The following MACROD2 variants were observed in gnomAD, a reference collection of about 807,000 sequenced individuals.
The protein encoded by MACROD2 is mono-ADP ribosylhydrolase 2.
In MACROD2, 36 loss-of-function variants were observed where a neutral mutation model predicts 70.4. The ratio of observed to expected loss-of-function variants is 0.51; its 90% confidence interval spans 0.39 to 0.68. MACROD2 has a LOEUF of 0.68. Among genes scored for constraint, MACROD2 ranks in the 30% least tolerant of loss-of-function variants. MACROD2 has a pLI of 0.00. For missense variants in MACROD2, 496 were observed against 538.4 expected, an observed-to-expected ratio of 0.92 and a Z score of 0.78; for synonymous variants, 172 against 178.8, an observed-to-expected ratio of 0.96 and a Z score of 0.30.
At chr20:15,154,384 G>A (rs1055271794) in intron 5 of MACROD2, among the ~76,000 whole-genome samples, 2 of 152,162 alleles carry the variant, frequency 1.3e-5, no homozygotes, top group African/African-American at 4.8e-5. Flanking sequence ...GAAAGGTCTG[G>A]CTTATCCAAC....
intron 6 of MACROD2, among the ~76,000 whole-genome samples, chr20:15,383,220 T>C (rs1231621708): frequency 6.6e-6 from 1 of 152,188 alleles, no homozygotes; most frequent in African/African-American, 2.4e-5. Flanking sequence ...TTAGCCCACA[T>C]ATTTTCCAGA....
chr20:15,870,075 C>G (rs192371090), intron 9 of MACROD2, among the ~76,000 whole-genome samples: 1 of 152,064 alleles, frequency 6.6e-6, no homozygotes, highest in East Asian at 1.9e-4. Context: ...AACTTCTCAA[C>G]CACGTTTCAC....
intron 6 of MACROD2, among the ~76,000 whole-genome samples, chr20:15,410,506 T>A (rs1461531635): frequency 5.3e-5 from 8 of 152,176 alleles, no homozygotes; most frequent in Non-Finnish European, 1.2e-4. Flanking sequence ...AACTTTCAGC[T>A]CCATCAACAG....
intron 7 of MACROD2, among the ~76,000 whole-genome samples, chr20:15,492,609 C>T (rs916891589): frequency 2.6e-5 from 4 of 152,170 alleles, no homozygotes; most frequent in Middle Eastern, 3.2e-3. Flanking sequence ...TTGACAATCC[C>T]TGTTCAACTG....
intron 5 of MACROD2, among the ~76,000 whole-genome samples, chr20:15,136,434 C>A (rs576809086): frequency 7.2e-5 from 11 of 152,240 alleles, no homozygotes; most frequent in Non-Finnish European, 1.5e-4. Context: ...TGATCTTTGA[C>A]AAACCTGAGA....
At chr20:15,349,247 T>C (rs1329112841) in intron 6 of MACROD2, among the ~76,000 whole-genome samples, 1 of 152,184 alleles carries the variant, frequency 6.6e-6, no homozygotes, top group Non-Finnish European at 1.5e-5. Context: ...ATAATCTTTT[T>C]TCAGTGTATT....
chr20:15,383,851 A>T (rs2045676307), intron 6 of MACROD2, among the ~76,000 whole-genome samples: 1 of 152,118 alleles, frequency 6.6e-6, no homozygotes, highest in Non-Finnish European at 1.5e-5. Context: ...ATCCAAATCC[A>T]TTCCCTTTAG....
At chr20:14,479,547 G>A (rs1186886868) in intron 3 of MACROD2, among the ~76,000 whole-genome samples, 2 of 152,112 alleles carry the variant, frequency 1.3e-5, no homozygotes, top group African/African-American at 4.8e-5. Flanking sequence ...CAACTATGCT[G>A]TTCCTCCAGA....
intron 12 of MACROD2, among the ~76,000 whole-genome samples, chr20:15,946,798 C>T (rs186958508): frequency 3.0e-4 from 45 of 152,252 alleles, no homozygotes; most frequent in African/African-American, 6.5e-4. Flanking sequence ...ACTCAGCACA[C>T]GGAGGACCTG....
intron 8 of MACROD2, among the ~76,000 whole-genome samples, chr20:15,509,737 G>A (rs2047474545): frequency 6.6e-6 from 1 of 152,174 alleles, no homozygotes; most frequent in South Asian, 2.1e-4. Flanking sequence ...CTCTTACATA[G>A]CCTTAAACAA....
At chr20:15,969,245 A>C (rs1355333016) in intron 13 of MACROD2, among the ~76,000 whole-genome samples, 2 of 152,148 alleles carry the variant, frequency 1.3e-5, no homozygotes, top group East Asian at 3.8e-4. Context: ...TAGGAGTGAA[A>C]AAGAGTGTTA....
At chr20:15,494,774 T>TGTGTGTGC (rs1555829386) in intron 7 of MACROD2, among the ~76,000 whole-genome samples, 2 of 127,568 alleles carry the variant, frequency 1.6e-5, no homozygotes, top group Admixed American at 8.3e-5. Flanking sequence ...CGCGTGTGTG[T>TGTGTGTGC]GTGCGCGCGT....
intron 5 of MACROD2, among the ~76,000 whole-genome samples, chr20:15,144,937 A>G (rs771502630): frequency 2.0e-5 from 3 of 152,198 alleles, no homozygotes; most frequent in Admixed American, 6.5e-5. Context: ...TATAGAGCAC[A>G]GTACAGAAGA....
At chr20:15,124,887 T>A (rs2076055762) in intron 5 of MACROD2, among the ~76,000 whole-genome samples, 1 of 151,978 alleles carries the variant, frequency 6.6e-6, no homozygotes, top group Non-Finnish European at 1.5e-5. Flanking sequence ...TTGAGTAAAG[T>A]CATGATGGAA....
chr20:15,843,237 A>G (rs931949392), intron 8 of MACROD2, among the ~76,000 whole-genome samples: 9 of 152,174 alleles, frequency 5.9e-5, no homozygotes, highest in African/African-American at 2.2e-4. Context: ...CCCTATTCTT[A>G]TTAACTGACT....
chr20:14,881,759 G>A (rs537457108), intron 5 of MACROD2, among the ~76,000 whole-genome samples: 14 of 152,190 alleles, frequency 9.2e-5, no homozygotes, highest in Admixed American at 3.3e-4. Context: ...AGATGCATGT[G>A]CCCCACCTTT....
chr20:14,680,150 A>T (rs1013874809), intron 4 of MACROD2, among the ~76,000 whole-genome samples: 10 of 152,202 alleles, frequency 6.6e-5, no homozygotes, highest in Middle Eastern at 3.2e-3. Flanking sequence ...TAAGGAGGAG[A>T]TGCCAGAAAG....
At chr20:14,509,818 A>G (rs1430793126) in intron 4 of MACROD2, among the ~76,000 whole-genome samples, 1 of 151,978 alleles carries the variant, frequency 6.6e-6, no homozygotes, top group Non-Finnish European at 1.5e-5. Flanking sequence ...ATATATTGGT[A>G]TTAAGATTCT....
chr20:14,588,348 T>G (rs77375489), intron 4 of MACROD2, among the ~76,000 whole-genome samples: 318 of 152,340 alleles, frequency 2.1e-3, no homozygotes, highest in African/African-American at 7.1e-3. Context: ...TACATTTATC[T>G]TGTTCTAATG....
Sources: allele counts gnomAD v4.1 joint callset (sites outside exome capture counted in the v4.1 genomes callset), GRCh38; gene constraint gnomAD v4.1.1; transcripts MANE v1.5; gene names NCBI Gene and HGNC (gene_info 2026-07-23, HGNC 2026-07-21).